The following CNGB3 variants were observed in gnomAD, a reference collection of about 807,000 sequenced individuals.
The protein encoded by CNGB3 is cyclic nucleotide gated channel subunit beta 3.
In CNGB3, 86 loss-of-function variants were observed where a neutral mutation model predicts 92.8. The observed-to-expected ratio is 0.93, with a 90% CI of 0.78 to 1.11. The LOEUF (loss-of-function observed/expected upper bound fraction) is 1.11, where lower values mean the gene tolerates loss of function less well. Ranked by LOEUF, CNGB3 falls within the 50% of genes least tolerant of loss-of-function variation. CNGB3 has a pLI of 0.00. For synonymous variants in CNGB3, 333 were observed against 332.7 expected (o/e 1.00, Z -0.01); for missense variants, 1,026 against 956.8 (o/e 1.07, Z -0.95).
At chr8:86,632,983 A>G (rs1262849383) in intron 10 of CNGB3, 90 bp from the exon 11 acceptor site, 1 of 1,206,848 alleles carries the variant, frequency 8.3e-7, no homozygotes, top group African/African-American at 1.5e-5. Flanking sequence ...TTAAATTATA[A>G]CAAATTTCCT....
chr8:86,666,846 A>G (rs1328714486), intron 6 of CNGB3, 79 bp downstream of exon 6: 4 of 1,144,890 alleles, frequency 3.5e-6, no homozygotes, highest in African/African-American at 1.5e-5. Context: ...AACATTAAAT[A>G]AAACAATGCT....
chr8:86,611,528 A>G, intron 14 of CNGB3, 60 bp downstream of exon 14: 2 of 1,349,064 alleles, frequency 1.5e-6, no homozygotes, highest in South Asian at 1.2e-5. Flanking sequence ...TTCTTGACTT[A>G]TGTCCGAAAT....
chr8:86,609,416 G>T (rs1441768765), intron 14 of CNGB3, among the ~76,000 whole-genome samples: 1 of 152,080 alleles, frequency 6.6e-6, no homozygotes, highest in Non-Finnish European at 1.5e-5. Context: ...TAATTTGTGT[G>T]GGATTGTATA....
At chr8:86,624,282 G>T (rs1351041619) in intron 13 of CNGB3, among the ~76,000 whole-genome samples, 1 of 152,120 alleles carries the variant, frequency 6.6e-6, no homozygotes, top group Non-Finnish European at 1.5e-5. Flanking sequence ...AGCTGGGTGT[G>T]GTGGTGCATG....
At chr8:86,694,130 C>T (rs1824385041) in intron 3 of CNGB3, among the ~76,000 whole-genome samples, 1 of 129,716 alleles carries the variant, frequency 7.7e-6, no homozygotes, top group Non-Finnish European at 1.7e-5. Context: ...GGGGGGCTGA[C>T]CCCCCCACCT....
intron 3 of CNGB3, among the ~76,000 whole-genome samples, chr8:86,675,776 T>G (rs1034096764): frequency 6.6e-6 from 1 of 152,160 alleles, no homozygotes; most frequent in Non-Finnish European, 1.5e-5. Context: ...TGACTTTTTT[T>G]GATAAAGGTA....
At chr8:86,583,017 C>T (rs1821819821) in intron 15 of CNGB3, among the ~76,000 whole-genome samples, 1 of 6,096 alleles carries the variant, frequency 1.6e-4, no homozygotes, top group Non-Finnish European at 3.5e-4. Context: ...CTTACTGCAA[C>T]CTCTGCTTCC....
At position 86,575,055 on chromosome 8, in the gene CNGB3, T is replaced by A. The variant is rs779992584; in HGVS notation, c.*749A>T. 1 of 152,172 alleles carries A rather than the reference T, an allele frequency of 6.6e-6. No individual in the cohort carries two copies. Among genetic ancestry groups the A allele is most frequent in the African/African-American group, 2.4e-5 (1 of 41,442 alleles). 9.4% of individuals were successfully genotyped at this position (152,172 alleles called of 1,614,324 possible). A position where few individuals can be genotyped will look rare whatever the true frequency, so the allele number is the denominator to read the frequency against. On this transcript the variant is annotated 3_prime_UTR_variant, in exon 18 of 18. Transcript: ENST00000320005. ...TCCAGTCCAAGTCCCTTGAGCCAGATGAGTTAGGTAGATTGGTGTCTTTTA... is the reference window on the plus strand; with the variant it reads ...TCCAGTCCAAGTCCCTTGAGCCAGAAGAGTTAGGTAGATTGGTGTCTTTTA...
intron 15 of CNGB3, among the ~76,000 whole-genome samples, chr8:86,597,967 G>C (rs1822208111): frequency 6.6e-6 from 1 of 151,104 alleles, no homozygotes; most frequent in Non-Finnish European, 1.5e-5. Flanking sequence ...GACAGAGTGA[G>C]ACTTCATCTC....
intron 13 of CNGB3, among the ~76,000 whole-genome samples, chr8:86,616,149 G>T (rs1293824386): frequency 6.6e-6 from 1 of 152,112 alleles, no homozygotes; most frequent in African/African-American, 2.4e-5. Flanking sequence ...TGACGGCTTG[G>T]ATTTTCTCAG....
intron 6 of CNGB3, chr8:86,661,456 A>C (rs555262331): frequency 2.1e-5 from 12 of 567,256 alleles, no homozygotes; most frequent in South Asian, 1.4e-4. Context: ...CATGATCTGC[A>C]TACGTCCCTG....
chr8:86,604,156 C>T lies in CNGB3; in HGVS notation c.1718G>A (p.Gly573Glu). The T allele has an allele frequency of 6.2e-7, 1 of 1,613,744 alleles. No individual in the cohort carries two copies. The highest frequency in any genetic ancestry group is 8.5e-7 in the Non-Finnish European group (1 of 1,179,732). ...IIKHGEVQVL[G>E]GPDGTKVLVT... ...CAGAACTTTAGTACCATCAGGGCCT[C>T]CAAGAACTTGGACTTCTCCATGCTT... is the stretch of plus-strand genomic sequence containing the variant. Residue 573 changes from glycine to glutamate, a missense_variant, in exon 15 of 18, where the codon GGA becomes GAA. Transcript: ENST00000320005.
At chr8:86,634,561 T>C (rs1563734823) in intron 10 of CNGB3, among the ~76,000 whole-genome samples, 1 of 152,058 alleles carries the variant, frequency 6.6e-6, no homozygotes, top group African/African-American at 2.4e-5. Flanking sequence ...TATCAAGCAT[T>C]TCCACTGAAT....
At chr8:86,599,022 G>GTGCACACAA (rs1236748959) in intron 15 of CNGB3, among the ~76,000 whole-genome samples, 1 of 152,136 alleles carries the variant, frequency 6.6e-6, no homozygotes, top group Admixed American at 6.5e-5. Context: ...ACTGACCTGT[G>GTGCACACAA]TGCACACATC....
intron 3 of CNGB3, among the ~76,000 whole-genome samples, chr8:86,693,679 T>C (rs903433217): frequency 5.9e-5 from 9 of 151,274 alleles, no homozygotes; most frequent in African/African-American, 1.9e-4. Flanking sequence ...AGCATCTGTT[T>C]AACAAAGCAC....
At chr8:86,739,760 G>T in intron 1 of CNGB3, 24 bp from the exon 2 acceptor site, 1 of 1,608,254 alleles carries the variant, frequency 6.2e-7, no homozygotes, top group African/African-American at 1.3e-5. Flanking sequence ...CATAGAGATT[G>T]TATGTGATGA....
intron 6 of CNGB3, chr8:86,660,771 G>A: frequency 1.9e-6 from 1 of 521,110 alleles, no homozygotes. Context: ...CAAACAAATG[G>A]AGGATAAAAT....
intron 10 of CNGB3, among the ~76,000 whole-genome samples, chr8:86,642,411 C>CTG (rs1457002157): frequency 6.6e-6 from 1 of 151,438 alleles, no homozygotes; most frequent in Non-Finnish European, 1.5e-5. Flanking sequence ...AATTGAGTGT[C>CTG]TGTGTGTGTG....
chr8:86,659,042 C>T (rs1823575897), intron 6 of CNGB3: 9 of 960,800 alleles, frequency 9.4e-6, no homozygotes, highest in South Asian at 1.4e-5. Flanking sequence ...CTTATAGCTG[C>T]TGCTCCACCT....
Sources: gnomAD v4.1 joint callset for allele counts (sites outside exome capture counted in the v4.1 genomes callset) on GRCh38, gnomAD v4.1.1 for gene constraint, MANE v1.5 for transcripts, NCBI Gene and HGNC (gene_info 2026-07-23, HGNC 2026-07-21) for gene names.